Variants in BTD observed in about 807,000 individuals in gnomAD.
BTD encodes the protein biocytinase.
A neutral mutation model predicts 17.7 loss-of-function variants in BTD; 13 were observed. The ratio of observed to expected loss-of-function variants is 0.74; its 90% CI spans 0.48 to 1.17. The LOEUF is 1.17. Ranked by LOEUF, BTD falls within the 50% of genes most tolerant of loss-of-function variation. The probability of loss-of-function intolerance (pLI) is 0.00; values close to 1 mark genes in which losing one functional copy is unlikely to be tolerated. For missense variants in BTD, 674 were observed against 650.4 expected, an observed-to-expected ratio of 1.04 and a Z score of -0.39; for synonymous variants, 240 against 245.2, an observed-to-expected ratio of 0.98 and a Z score of 0.20.
chr3:15,649,093 G>A lies in BTD; in HGVS notation c.*3605G>A, dbSNP rs867228195. 1.3e-5 allele frequency among the ~76,000 whole-genome samples: 2 copies of A among 152,294 alleles called. No homozygotes were observed. Among genetic ancestry groups the A allele is most frequent in the Middle Eastern group, 3.4e-3 (1 of 294 alleles). On this transcript the variant is annotated 3_prime_UTR_variant, in exon 4 of 4. Coordinates refer to ENST00000643237, the MANE Select transcript of BTD (RefSeq NM_001370658.1). ...TGTTGTTTGAAGCCACCCAGTTCAG[G>A]GTACTTTGATATGGCAGACCTAGGA...
At chr3:15,696,212 A>G in intron 3 of BTD, 1 of 1,590,302 alleles carries the variant, frequency 6.3e-7, no homozygotes, top group Non-Finnish European at 8.6e-7. Flanking sequence ...GGATCCCTGG[A>G]TTTGCATCGT....
chr3:15,691,472 C>A (rs1188559945), intron 3 of BTD, among the ~76,000 whole-genome samples: 1 of 152,178 alleles, frequency 6.6e-6, no homozygotes, highest in African/African-American at 2.4e-5. Context: ...CCAGAAAAGT[C>A]TTTTCAAAAT....
At chr3:15,673,643 T>C (rs1456833815) in intron 3 of BTD, among the ~76,000 whole-genome samples, 1 of 152,174 alleles carries the variant, frequency 6.6e-6, no homozygotes, top group African/African-American at 2.4e-5. Context: ...TAGTAAAGAA[T>C]AGTTAGAATA....
downstream of BTD, chr3:15,713,730 C>T (rs1467927977): frequency 4.0e-6 from 3 of 751,014 alleles, no homozygotes; most frequent in African/African-American, 3.6e-5. Flanking sequence ...ATGCTGTTCA[C>T]ATACAAACTA....
At chr3:15,710,080 G>A (rs1336133246) in exon 4 of BTD, among the ~76,000 whole-genome samples, 1 of 151,334 alleles carries the variant, frequency 6.6e-6, no homozygotes, top group South Asian at 2.1e-4. Flanking sequence ...TATAGTTTAG[G>A]CTAGAGTCCA....
intron 3 of BTD, among the ~76,000 whole-genome samples, chr3:15,706,662 C>T (rs953635051): frequency 6.6e-6 from 1 of 152,146 alleles, no homozygotes; most frequent in African/African-American, 2.4e-5. Flanking sequence ...GATGAATCGC[C>T]ACACTGTCTT....
At chr3:15,676,828 A>T in intron 3 of BTD, 1 of 561,460 alleles carries the variant, frequency 1.8e-6, no homozygotes, top group Non-Finnish European at 3.0e-6. Flanking sequence ...ATCATTTTAG[A>T]AATGAGTTTT....
chr3:15,722,335 T>G (rs2073819218), downstream of BTD, among the ~76,000 whole-genome samples: 2 of 152,296 alleles, frequency 1.3e-5, no homozygotes, highest in South Asian at 4.1e-4. Flanking sequence ...TTGGAAATAC[T>G]TCATTCATAC....
At chr3:15,673,024 C>A (rs2066540704) in intron 3 of BTD, among the ~76,000 whole-genome samples, 1 of 52 alleles carries the variant, frequency 0.019, no homozygotes, top group Non-Finnish European at 0.036. Flanking sequence ...GATCCACTCG[C>A]CTTGTGCCTC....
chr3:15,608,230 G>C (rs1032887552), intron 1 of BTD, among the ~76,000 whole-genome samples: 4 of 152,236 alleles, frequency 2.6e-5, no homozygotes, highest in Admixed American at 6.5e-5. Flanking sequence ...TGGAACTGGA[G>C]AAGGGAGTGC....
intron 3 of BTD, chr3:15,685,305 C>T (rs2125758545): frequency 2.5e-6 from 4 of 1,613,996 alleles, no homozygotes; most frequent in Non-Finnish European, 3.4e-6. Flanking sequence ...ATGCTGCTGA[C>T]TGCAAAAGGG....
At chr3:15,676,950 A>C (rs778035597) in intron 3 of BTD, 1 of 1,583,626 alleles carries the variant, frequency 6.3e-7, no homozygotes. Flanking sequence ...CACAAAGTTT[A>C]TACTAGATAC....
chr3:15,606,403 T>G (rs2064455407), intron 1 of BTD: 1 of 152,238 alleles, frequency 6.6e-6, no homozygotes, highest in African/African-American at 2.4e-5. Flanking sequence ...TGATTGCCTG[T>G]CACCAAAGTA....
chr3:15,645,799 G>T lies in BTD; in HGVS notation c.*311G>T. 10 of 248,792 alleles carry T rather than the reference G, an allele frequency of 4.0e-5. No homozygotes were observed. Among genetic ancestry groups the T allele is most frequent in the South Asian group, 2.2e-4 (3 of 13,648 alleles). 15.4% of individuals were successfully genotyped at this position (248,792 alleles called of 1,614,324 possible). A position where few individuals can be genotyped will look rare whatever the true frequency, so the allele number is the denominator to read the frequency against. On this transcript the variant is annotated 3_prime_UTR_variant, in exon 4 of 4. Coordinates refer to ENST00000643237, the MANE Select transcript of BTD (RefSeq NM_001370658.1). ...CAAGCTAAAACAAAAATAAATGTCA[G>T]TTTATATTTTACACATCCACAAAGC...
At position 15,651,608 on chromosome 3, in the gene BTD, T is replaced by TA. The variant is rs2065805369; in HGVS notation, c.*6121dup. On this transcript the variant is annotated 3_prime_UTR_variant, in exon 4 of 4. Transcript: ENST00000643237. ...GACAGGCAGAGAGCCAGGCGATCCA[T>TA]ATCCTGTCTCCTCTCTCTTCTCCGC... is the stretch of plus-strand genomic sequence containing the variant. Among the ~76,000 whole-genome samples, 1 of 152,194 alleles carries TA rather than the reference T, an allele frequency of 6.6e-6. No homozygotes were observed. The highest frequency in any genetic ancestry group is 2.4e-5 in the African/African-American group (1 of 41,448).
At chr3:15,610,584 G>T (rs1291259190) in intron 1 of BTD, among the ~76,000 whole-genome samples, 2 of 152,126 alleles carry the variant, frequency 1.3e-5, no homozygotes, top group Non-Finnish European at 2.9e-5. Context: ...GGAATGTCAA[G>T]CTCGCATATT....
chr3:15,614,593 TTTTTC>T (rs1160670768), intron 1 of BTD, among the ~76,000 whole-genome samples: 2 of 149,312 alleles, frequency 1.3e-5, no homozygotes, highest in African/African-American at 5.1e-5. Flanking sequence ...TGACAATATC[TTTTTC>T]TTTTTTTTTT....
intron 2 of BTD, among the ~76,000 whole-genome samples, chr3:15,640,613 A>G (rs1416861132): frequency 6.6e-6 from 1 of 151,518 alleles, no homozygotes. Context: ...CTGGTCTTGA[A>G]CTCCTGAGCT....
At chr3:15,630,036 G>C (rs1349898187) in intron 1 of BTD, 1 of 985,418 alleles carries the variant, frequency 1.0e-6, no homozygotes, top group East Asian at 1.1e-4. Flanking sequence ...TGTGTCACAG[G>C]GGGAATGGGC....
Sources: gnomAD v4.1 joint callset for allele counts (sites outside exome capture counted in the v4.1 genomes callset) on GRCh38, gnomAD v4.1.1 for gene constraint, MANE v1.5 for transcripts, NCBI Gene and HGNC (gene_info 2026-07-23, HGNC 2026-07-21) for gene names.